Variants in ERCC1 observed in about 807,000 individuals in gnomAD.
ERCC1 encodes the protein ERCC excision repair 1, endonuclease non-catalytic subunit.
Under a neutral mutation model 37.6 loss-of-function variants are expected in ERCC1, and 36 were observed. That is an observed-to-expected ratio of 0.96 (90% CI 0.73 to 1.26). The LOEUF (loss-of-function observed/expected upper bound fraction) is 1.26. Among genes scored for constraint, ERCC1 ranks in the 50% most tolerant of loss-of-function variants. The pLI, the probability that ERCC1 is intolerant of heterozygous loss-of-function variation, is 0.00. For missense variants in ERCC1, 349 were observed against 376.5 expected (o/e 0.93, Z 0.60); for synonymous variants, 156 against 162.1 (o/e 0.96, Z 0.28).
At chr19:45,450,925 G>C (rs1967101666) in intron 1 of ERCC1, among the ~76,000 whole-genome samples, 1 of 126,772 alleles carries the variant, frequency 7.9e-6, no homozygotes, top group Non-Finnish European at 1.6e-5. Flanking sequence ...CAGACGCGGT[G>C]ACGCGACGGA....
intron 1 of ERCC1, among the ~76,000 whole-genome samples, chr19:45,447,853 C>A (rs114928298): frequency 6.6e-6 from 1 of 151,674 alleles, no homozygotes; most frequent in African/African-American, 2.4e-5. Context: ...TAGCATAATT[C>A]TCTGGGCTTC....
intron 1 of ERCC1, among the ~76,000 whole-genome samples, chr19:45,437,698 A>C (rs1331982294): frequency 6.6e-6 from 1 of 152,166 alleles, no homozygotes; most frequent in Non-Finnish European, 1.5e-5. Flanking sequence ...AGTCCAGGGA[A>C]GTGGGAGAGG....
intron 1 of ERCC1, among the ~76,000 whole-genome samples, chr19:45,434,924 C>T: frequency 6.6e-6 from 1 of 151,764 alleles, no homozygotes; most frequent in Non-Finnish European, 1.5e-5. Flanking sequence ...TACAGGCATG[C>T]ACCACCACGC....
At chr19:45,447,337 G>A (rs1019095068) in intron 1 of ERCC1, among the ~76,000 whole-genome samples, 10 of 150,146 alleles carry the variant, frequency 6.7e-5, no homozygotes, top group Non-Finnish European at 7.4e-5. Flanking sequence ...GTACAGTGGC[G>A]GGATCTAGGC....
Position 45,408,600 on chromosome 19 carries a change from GGAA to G in ERCC1, c.*1072_*1074del, listed in dbSNP as rs760646316. ...TTGGGGTCGCCAGAAATGGATGTGC[GGAA>G]GAAGAAGAAGAAAAAAAATCAGCAG... On this transcript the variant is annotated 3_prime_UTR_variant, in exon 10 of 10. Coordinates refer to ENST00000300853, the MANE Select transcript of ERCC1 (RefSeq NM_001983.4). 135 of 1,613,560 alleles carry G rather than the reference GGAA, an allele frequency of 8.4e-5. No individual in the cohort carries two copies. The Middle Eastern group carries it at 2.0e-3, about 24-fold the overall frequency.
In ERCC1 at chr19:45,423,792, G is replaced by T. The variant is rs41559012; in HGVS notation, c.-19C>A. 17,183 of 1,125,498 alleles carry T rather than the reference G, an allele frequency of 0.015. 165 individuals carry two copies. Among genetic ancestry groups the T allele is most frequent in the Non-Finnish European group, 0.017 (15,330 of 912,770 alleles). The allele number at this position is 1,125,498 out of a possible 1,614,324, so 69.7% of individuals were successfully genotyped here. ...TCCGCCTCCCGCACCTGTGGTCCGGGCCTCACGGTTTCAGCGCCGCGAGGC... is the reference window on the plus strand; with the variant it reads ...TCCGCCTCCCGCACCTGTGGTCCGGTCCTCACGGTTTCAGCGCCGCGAGGC... On this transcript the variant is annotated 5_prime_UTR_variant, in exon 1 of 10. Coordinates refer to ENST00000300853, the MANE Select transcript of ERCC1 (RefSeq NM_001983.4).
At chr19:45,417,670 T>C (rs755419273) in intron 5 of ERCC1, among the ~76,000 whole-genome samples, 1 of 152,026 alleles carries the variant, frequency 6.6e-6, no homozygotes, top group Non-Finnish European at 1.5e-5. Flanking sequence ...AACTTTCTCC[T>C]AGGGTGCTTA....
intron 1 of ERCC1, among the ~76,000 whole-genome samples, chr19:45,447,081 G>A (rs1966967088): frequency 6.6e-6 from 1 of 152,228 alleles, no homozygotes; most frequent in East Asian, 1.9e-4. Flanking sequence ...GTTGGCACAG[G>A]CACAGAGGGT....
intron 1 of ERCC1, among the ~76,000 whole-genome samples, chr19:45,441,832 GC>G (rs1975127562): frequency 6.6e-6 from 1 of 151,470 alleles, no homozygotes; most frequent in Admixed American, 6.6e-5. Context: ...CCAGGCGCAT[GC>G]CACCACGCCC....
chr19:45,420,176 G>T lies in ERCC1; in HGVS notation c.425+148C>A. ...GGGCACCTCCAGGCCAAGACCCCCT[G>T]CCTCCAACACAGGGTCCCACCAAGG... On this transcript the variant is annotated intron_variant, in intron 4 of 9. Coordinates refer to ENST00000300853, the MANE Select transcript of ERCC1 (RefSeq NM_001983.4). The surrounding 1 kb of genome is among the most constrained non-coding windows in gnomAD (Gnocchi z 4.8). The T allele has an allele frequency of 2.9e-6, 2 of 681,366 alleles. No homozygotes were observed. The allele number at this position is 681,366 out of a possible 1,614,324, so 42.2% of individuals were successfully genotyped here. A position where few individuals can be genotyped will look rare whatever the true frequency, so the allele number is the denominator to read the frequency against.
chr19:45,408,056 A>C lies in ERCC1; in HGVS notation c.*1619T>G. On this transcript the variant is annotated 3_prime_UTR_variant, in exon 10 of 10. Coordinates refer to ENST00000300853, the MANE Select transcript of ERCC1 (RefSeq NM_001983.4). ...GCAACAGAGCAAGACTCTCTCAAAA[A>C]AAAACAAAAAAAAAATCAAAAAACC... The C allele has an allele frequency of 6.8e-7, 1 of 1,474,962 alleles. No homozygotes were observed. The highest frequency in any genetic ancestry group is 8.9e-7 in the Non-Finnish European group (1 of 1,123,996). 91.4% of individuals were successfully genotyped at this position (1,474,962 alleles called of 1,614,324 possible).
At position 45,409,731 on chromosome 19, in the gene ERCC1, TGGGA is replaced by T. The variant is rs758006863; in HGVS notation, c.844-10_844-7del. On this transcript the variant is annotated splice_polypyrimidine_tract_variant and splice_region_variant and intron_variant, in intron 9 of 9. Coordinates refer to ENST00000300853, the MANE Select transcript of ERCC1 (RefSeq NM_001983.4). Reference sequence around the variant, plus strand: ...ACATCAAACAGCCTCCGGGCCTGGATGGGAGGGAGAAAAAAATGAGGAACCAGTC... The same window carrying T: ...ACATCAAACAGCCTCCGGGCCTGGATGGGAGAAAAAAATGAGGAACCAGTC... 2.5e-6 allele frequency: 2 copies of T among 810,752 alleles called. No homozygotes were observed. The highest frequency in any genetic ancestry group is 4.5e-6 in the Non-Finnish European group (2 of 447,754). 50.2% of individuals were successfully genotyped at this position (810,752 alleles called of 1,614,324 possible).
intron 1 of ERCC1, among the ~76,000 whole-genome samples, chr19:45,430,044 A>G (rs1974794799): frequency 6.6e-6 from 1 of 152,144 alleles, no homozygotes; most frequent in Non-Finnish European, 1.5e-5. Flanking sequence ...TCGGCCTCCC[A>G]AAGTGATGGG....
At chr19:45,434,936 C>T (rs1260700276) in intron 1 of ERCC1, among the ~76,000 whole-genome samples, 2 of 151,648 alleles carry the variant, frequency 1.3e-5, no homozygotes, top group Non-Finnish European at 2.9e-5. Flanking sequence ...CCACCACGCC[C>T]GGCTAATTTT....
At chr19:45,444,491 A>C (rs1259702134) in intron 1 of ERCC1, among the ~76,000 whole-genome samples, 5 of 152,132 alleles carry the variant, frequency 3.3e-5, no homozygotes, top group Admixed American at 1.3e-4. Flanking sequence ...CTGGGCGGTC[A>C]GGAGGCCACC....
chr19:45,427,311 A>G (rs1974718616), upstream of ERCC1, among the ~76,000 whole-genome samples: 1 of 152,198 alleles, frequency 6.6e-6, no homozygotes, highest in Non-Finnish European at 1.5e-5. Flanking sequence ...ATCACTAGGT[A>G]TAATTTTCCC....
At position 45,413,993 on chromosome 19, in the gene ERCC1, C is replaced by A. The variant is rs544686192; in HGVS notation, c.744G>T (p.Thr248=). ...CLTTVKSVNK[T]DSQTLLTTFG... is the part of the protein sequence containing the mutation. Reference sequence around the variant, plus strand: ...ATGTGGTCAGGAGGGTCTGACTGTCCGTTTTGTTGACTGACTTCACGGTGG... The same window carrying A: ...ATGTGGTCAGGAGGGTCTGACTGTCAGTTTTGTTGACTGACTTCACGGTGG... Residue 248 remains threonine (T), a synonymous_variant, in exon 8 of 10, where the codon ACG becomes ACT. Transcript: ENST00000300853. 3 of 1,613,622 alleles carry A rather than the reference C, an allele frequency of 1.9e-6. No homozygotes were observed. The African/African-American group carries it at 4.0e-5, about 22-fold the overall frequency.
At chr19:45,413,008 T>A (rs1310251510) in intron 9 of ERCC1, among the ~76,000 whole-genome samples, 1 of 152,222 alleles carries the variant, frequency 6.6e-6, no homozygotes, top group African/African-American at 2.4e-5. Flanking sequence ...CTCAAAGTGC[T>A]GGGATTACAG....
intron 1 of ERCC1, among the ~76,000 whole-genome samples, chr19:45,432,011 G>A (rs1165359445): frequency 1.3e-5 from 2 of 151,308 alleles, no homozygotes; most frequent in East Asian, 1.9e-4. Context: ...TCGCTCTGTC[G>A]CCCAGCCTGG....
Sources: gnomAD v4.1 joint callset for allele counts (sites outside exome capture counted in the v4.1 genomes callset) on GRCh38, gnomAD v4.1.1 for gene constraint, Gnocchi (gnomAD v3.1) non-coding constraint, MANE v1.5 for transcripts, NCBI Gene and HGNC (gene_info 2026-07-23, HGNC 2026-07-21) for gene names.